The following HCN1 variants were observed in gnomAD, a reference collection of about 807,000 sequenced individuals.
HCN1 encodes the protein potassium/sodium hyperpolarization-activated cyclic nucleotide-gated channel 1.
HCN1 carries 13 observed loss-of-function variants against 78.9 expected under a neutral mutation model. The ratio of observed to expected loss-of-function variants is 0.16; its 90% CI spans 0.11 to 0.26. HCN1 has a LOEUF of 0.26. HCN1 is among the 10% of genes least tolerant of loss of function. HCN1 has a pLI of 1.00. For synonymous variants in HCN1, 552 were observed against 455.5 expected, an observed-to-expected ratio of 1.21 and a Z score of -2.70; for missense variants, 810 against 1,154.3, an observed-to-expected ratio of 0.70 and a Z score of 4.32.
intron 6 of HCN1, among the ~76,000 whole-genome samples, chr5:45,281,370 T>G (rs568770002): frequency 3.0e-4 from 46 of 152,156 alleles, no homozygotes; most frequent in Non-Finnish European, 3.8e-4. Flanking sequence ...CCTCTTCACC[T>G]TTCACTATGT....
intron 6 of HCN1, among the ~76,000 whole-genome samples, chr5:45,285,922 C>T (rs1745260284): frequency 6.6e-6 from 1 of 151,876 alleles, no homozygotes; most frequent in South Asian, 2.1e-4. Context: ...AGATGTTTGC[C>T]ATCAGTTCCT....
At chr5:45,486,757 C>G (rs1433204159) in intron 2 of HCN1, among the ~76,000 whole-genome samples, 2 of 152,068 alleles carry the variant, frequency 1.3e-5, no homozygotes, top group Non-Finnish European at 2.9e-5. Flanking sequence ...GAATATTGTA[C>G]AAGTATAATA....
At chr5:45,481,876 G>C (rs1009589106) in intron 2 of HCN1, among the ~76,000 whole-genome samples, 11 of 152,220 alleles carry the variant, frequency 7.2e-5, no homozygotes, top group African/African-American at 2.4e-4. Flanking sequence ...TTTACTCTCA[G>C]TCTCTGTTTT....
chr5:45,561,622 C>T (rs926106241), intron 2 of HCN1, among the ~76,000 whole-genome samples: 8 of 150,462 alleles, frequency 5.3e-5, no homozygotes, highest in Admixed American at 1.3e-4. Context: ...CCAGGTAAGA[C>T]GAGTCTCTTT....
intron 4 of HCN1, among the ~76,000 whole-genome samples, chr5:45,375,987 TATG>T (rs1747641509): frequency 8.5e-6 from 1 of 118,208 alleles, no homozygotes; most frequent in Admixed American, 1.0e-4. Context: ...ATATATTATA[TATG>T]ATATAATATT....
rs543129104 is a variant in HCN1, at chr5:45,527,139, T to C, written c.850-65132A>G. ...ACAGACTGAGATAGATACTATTCTT[T>C]TGAGCCCAGAAACTTCCTTCACATT... On this transcript the variant is annotated intron_variant, in intron 2 of 7. Coordinates refer to ENST00000303230, the MANE Select transcript of HCN1 (RefSeq NM_021072.4). Among the ~76,000 whole-genome samples, 25 of 137,294 alleles carry C rather than the reference T, an allele frequency of 1.8e-4. 6 individuals are homozygous for C. The highest frequency in any genetic ancestry group is 3.5e-4 in the Non-Finnish European group (22 of 62,722). 90.1% of individuals were successfully genotyped at this position (137,294 alleles called of 152,430 possible).
chr5:45,478,717 G>A, intron 2 of HCN1, among the ~76,000 whole-genome samples: 1 of 152,276 alleles, frequency 6.6e-6, no homozygotes, highest in East Asian at 1.9e-4. Flanking sequence ...TGAAGCCAGA[G>A]AAATATAATG....
intron 2 of HCN1, among the ~76,000 whole-genome samples, chr5:45,462,328 A>C (rs1462549788): frequency 1.3e-5 from 2 of 152,118 alleles, no homozygotes; most frequent in African/African-American, 4.8e-5. Flanking sequence ...AGCTACTTTA[A>C]AACAAGGTAG....
chr5:45,513,589 C>T lies in HCN1; in HGVS notation c.850-51582G>A, dbSNP rs193300199. Among the ~76,000 whole-genome samples, 3 of 152,294 alleles carry T rather than the reference C, an allele frequency of 2.0e-5. No homozygotes were observed. In the East Asian group the frequency reaches 5.8e-4, roughly 30 times the overall value. On this transcript the variant is annotated intron_variant, in intron 2 of 7. Coordinates refer to ENST00000303230, the MANE Select transcript of HCN1 (RefSeq NM_021072.4). Reference sequence around the variant, plus strand: ...GTGAGCAAGCACCACCTGAGCTCTGCCTCCTGTTAGAACAGCAGTGGCATG... The same window carrying T: ...GTGAGCAAGCACCACCTGAGCTCTGTCTCCTGTTAGAACAGCAGTGGCATG...
intron 4 of HCN1, among the ~76,000 whole-genome samples, chr5:45,388,350 C>A (rs1356614050): frequency 6.6e-6 from 1 of 152,062 alleles, no homozygotes; most frequent in Non-Finnish European, 1.5e-5. Context: ...TAATTAAGTT[C>A]TCATCAATAA....
intron 2 of HCN1, among the ~76,000 whole-genome samples, chr5:45,556,972 CAT>C (rs1038088060): frequency 6.6e-6 from 1 of 151,990 alleles, no homozygotes; most frequent in Non-Finnish European, 1.5e-5. Context: ...TCTACCTACA[CAT>C]GACTTTGGAC....
intron 2 of HCN1, among the ~76,000 whole-genome samples, chr5:45,527,287 T>C (rs1561189437): frequency 7.3e-6 from 1 of 136,934 alleles, no homozygotes; most frequent in Non-Finnish European, 1.6e-5. Flanking sequence ...AGTCAATAAA[T>C]GTTTAGTGGT....
intron 2 of HCN1, among the ~76,000 whole-genome samples, chr5:45,585,331 G>A (rs1744189385): frequency 6.6e-6 from 1 of 152,088 alleles, no homozygotes; most frequent in African/African-American, 2.4e-5. Flanking sequence ...GGCTACTGAG[G>A]CTTGTGCATT....
At chr5:45,557,193 T>A (rs1200224021) in intron 2 of HCN1, among the ~76,000 whole-genome samples, 1 of 151,642 alleles carries the variant, frequency 6.6e-6, no homozygotes, top group Non-Finnish European at 1.5e-5. Context: ...ATTTGAAAAC[T>A]TTTTTTTTAA....
intron 2 of HCN1, among the ~76,000 whole-genome samples, chr5:45,541,805 G>T (rs1000821384): frequency 2.0e-5 from 3 of 152,020 alleles, no homozygotes; most frequent in South Asian, 4.1e-4. Context: ...AAAGTATAGA[G>T]AATTCATGAA....
intron 5 of HCN1, 72 bp from the exon 6 acceptor site, chr5:45,303,911 T>A: frequency 7.7e-7 from 1 of 1,303,334 alleles, no homozygotes; most frequent in Non-Finnish European, 1.1e-6. Flanking sequence ...ATGCTGAAAT[T>A]TAAAATATAT....
chr5:45,370,366 AT>A (rs1034498437), intron 4 of HCN1, among the ~76,000 whole-genome samples: 5 of 151,786 alleles, frequency 3.3e-5, no homozygotes, highest in African/African-American at 9.7e-5. Context: ...CATTACATTA[AT>A]TTTTTTTCTA....
At chr5:45,457,309 A>C (rs1363538225) in intron 3 of HCN1, among the ~76,000 whole-genome samples, 1 of 152,128 alleles carries the variant, frequency 6.6e-6, no homozygotes, top group Non-Finnish European at 1.5e-5. Context: ...TTTTAACAAA[A>C]ACCCATTACT....
intron 5 of HCN1, among the ~76,000 whole-genome samples, chr5:45,342,845 T>G (rs1746614741): frequency 6.6e-6 from 1 of 152,200 alleles, no homozygotes; most frequent in East Asian, 1.9e-4. Flanking sequence ...TTTGAAAACA[T>G]AGACGAAATG....
Sources: gnomAD v4.1 joint callset for allele counts (sites outside exome capture counted in the v4.1 genomes callset) on GRCh38, gnomAD v4.1.1 for gene constraint, MANE v1.5 for transcripts, NCBI Gene and HGNC (gene_info 2026-07-23, HGNC 2026-07-21) for gene names.